TLCD3B: variants seen among roughly 807,000 people sequenced by gnomAD.
TLCD3B encodes the protein TLC domain containing 3B.
Under a neutral mutation model 23.0 loss-of-function variants are expected in TLCD3B, and 9 were observed. The ratio of observed to expected loss-of-function variants is 0.39; its 90% CI spans 0.24 to 0.68. TLCD3B has a LOEUF of 0.68. TLCD3B is among the 30% of genes least tolerant of loss of function. The pLI is 0.44. For synonymous variants in TLCD3B, 161 were observed against 161.0 expected (o/e 1.00, Z 0.00); for missense variants, 307 against 371.8 (o/e 0.83, Z 1.43).
chr16:30,047,163 G>A (rs536580155), intron 1 of TLCD3B, among the ~76,000 whole-genome samples: 1 of 148,744 alleles, frequency 6.7e-6, no homozygotes, highest in East Asian at 1.9e-4. Context: ...CTGTCTGTCT[G>A]TCTGTCTATC....
intron 1 of TLCD3B, among the ~76,000 whole-genome samples, chr16:30,052,266 G>C (rs1262762275): frequency 6.6e-6 from 1 of 152,062 alleles, no homozygotes; most frequent in African/African-American, 2.4e-5. Flanking sequence ...TACTCGGGAG[G>C]CTGAGGCGGG....
intron 1 of TLCD3B, among the ~76,000 whole-genome samples, chr16:30,049,013 C>T (rs150709719): frequency 0.017 from 2,653 of 152,236 alleles, 76 homozygotes; most frequent in African/African-American, 0.06. Context: ...TCAGGTGGTC[C>T]GCCTGCCTTG....
chr16:30,045,735 G>A (rs1038019782), intron 2 of TLCD3B, among the ~76,000 whole-genome samples: 2 of 149,776 alleles, frequency 1.3e-5, no homozygotes, highest in Non-Finnish European at 3.0e-5. Context: ...TGTGGTGTGT[G>A]TTTGTGTGTG....
At chr16:30,028,393 G>C (rs1049888404) in intron 2 of TLCD3B, among the ~76,000 whole-genome samples, 3 of 152,140 alleles carry the variant, frequency 2.0e-5, no homozygotes, top group Non-Finnish European at 4.4e-5. Flanking sequence ...TGGGGAGCAG[G>C]GGGTACAGAA....
intron 2 of TLCD3B, among the ~76,000 whole-genome samples, chr16:30,045,440 G>GTA (rs1827242671): frequency 7.0e-6 from 1 of 142,248 alleles, no homozygotes; most frequent in African/African-American, 2.6e-5. Context: ...TGTGGTGTGT[G>GTA]TGTGGTGCAT....
upstream of TLCD3B, chr16:30,035,449 G>A (rs1476862310): frequency 7.8e-6 from 10 of 1,289,420 alleles, no homozygotes; most frequent in East Asian, 5.5e-5. Flanking sequence ...GGAAGAAGAC[G>A]CAACCCACTG....
intron 2 of TLCD3B, among the ~76,000 whole-genome samples, chr16:30,027,887 G>A (rs778267977): frequency 6.6e-6 from 1 of 152,212 alleles, no homozygotes; most frequent in Non-Finnish European, 1.5e-5. Context: ...CATGAGGCAC[G>A]TGGAGGAGGC....
chr16:30,024,726 G>GCAAC lies in TLCD3B; in HGVS notation c.*456_*457insGTTG, dbSNP rs2071018117. 5.3e-6 allele frequency: 1 copy of GCAAC among 189,266 alleles called. No homozygotes were observed. Among genetic ancestry groups the GCAAC allele is most frequent in the Non-Finnish European group, 1.1e-5 (1 of 93,770 alleles). 11.7% of individuals were successfully genotyped at this position (189,266 alleles called of 1,614,324 possible). A position where few individuals can be genotyped will look rare whatever the true frequency, so the allele number is the denominator to read the frequency against. Reference sequence around the variant, plus strand: ...TCAAGCTGGCCTACCCTGGAGAGGAGCCGTGGTTGCAGCCGGCCACTCGGG... The same window carrying GCAAC: ...TCAAGCTGGCCTACCCTGGAGAGGAGCAACCCGTGGTTGCAGCCGGCCACTCGGG... On this transcript the variant is annotated 3_prime_UTR_variant, in exon 5 of 5. Coordinates refer to ENST00000380495, the MANE Select transcript of TLCD3B (RefSeq NM_031478.6).
intron 2 of TLCD3B, 122 bp from the exon 3 acceptor site, chr16:30,026,965 G>A (rs2071171091): frequency 1.3e-6 from 1 of 796,842 alleles, no homozygotes; most frequent in Admixed American, 2.0e-5. Context: ...TACAGATGAG[G>A]GATCCAGAGG....
chr16:30,044,338 G>A (rs2071623458), intron 2 of TLCD3B, among the ~76,000 whole-genome samples: 1 of 147,450 alleles, frequency 6.8e-6, no homozygotes, highest in African/African-American at 2.5e-5. Context: ...ATGAAGTTTC[G>A]CTCTTGTTGC....
chr16:30,045,690 T>G (rs1358182839), intron 2 of TLCD3B, among the ~76,000 whole-genome samples: 1 of 145,538 alleles, frequency 6.9e-6, no homozygotes, highest in African/African-American at 2.5e-5. Flanking sequence ...GTTTGGTGTG[T>G]GTTTGTGTGT....
At chr16:30,047,291 C>T (rs1026448261) in intron 1 of TLCD3B, among the ~76,000 whole-genome samples, 4 of 152,020 alleles carry the variant, frequency 2.6e-5, no homozygotes, top group Non-Finnish European at 5.9e-5. Flanking sequence ...CATGTGCCAC[C>T]GTGCCTGGCT....
chr16:30,050,890 G>C (rs772499384), intron 1 of TLCD3B, among the ~76,000 whole-genome samples: 1 of 152,182 alleles, frequency 6.6e-6, no homozygotes, highest in African/African-American at 2.4e-5. Context: ...CCAGGATTCA[G>C]CCATCGTTTA....
At chr16:30,051,442 G>A (rs1242474620) in intron 1 of TLCD3B, among the ~76,000 whole-genome samples, 1 of 146,890 alleles carries the variant, frequency 6.8e-6, no homozygotes, top group African/African-American at 2.5e-5. Flanking sequence ...AGAATTGCTT[G>A]AATCCAGGGC....
At chr16:30,034,250 C>T (rs886306259), upstream of TLCD3B, among the ~76,000 whole-genome samples, 1 of 151,436 alleles carries the variant, frequency 6.6e-6, no homozygotes, top group Non-Finnish European at 1.5e-5. Flanking sequence ...TGCACTTCAG[C>T]CTGGGTGACA....
At position 30,024,668 on chromosome 16, in the gene TLCD3B, A is replaced by G; in HGVS notation, c.*515T>C. 5.1e-6 allele frequency: 1 copy of G among 196,120 alleles called. No individual in the cohort carries two copies. The highest frequency in any genetic ancestry group is 1.0e-5 in the Non-Finnish European group (1 of 97,172). 12.1% of individuals were successfully genotyped at this position (196,120 alleles called of 1,614,324 possible). A position where few individuals can be genotyped will look rare whatever the true frequency, so the allele number is the denominator to read the frequency against. ...CCCCCAACCCAACAGACTAGTTCAA[A>G]TTTGGGTAAATAAATAAAATAAATA... is the stretch of plus-strand genomic sequence containing the variant. On this transcript the variant is annotated 3_prime_UTR_variant, in exon 5 of 5. Coordinates refer to ENST00000380495, the MANE Select transcript of TLCD3B (RefSeq NM_031478.6).
chr16:30,030,439 C>G lies in TLCD3B; in HGVS notation c.89G>C (p.Arg30Pro). 1.9e-6 allele frequency: 3 copies of G among 1,603,124 alleles called. No homozygotes were observed. The highest frequency in any genetic ancestry group is 2.6e-6 in the Non-Finnish European group (3 of 1,175,756). ...KNTLQRLPQL[R>P]WEEADAVIVS... ...AATGACTGCGTCGGCCTCCTCCCAGCGTAGCTGGGGCAGCCGCTGGAGCGT... is the reference window on the plus strand; with the variant it reads ...AATGACTGCGTCGGCCTCCTCCCAGGGTAGCTGGGGCAGCCGCTGGAGCGT... The change falls in exon 1 of 5, where the codon CGC becomes CCC. Residue 30 changes from arginine to proline, a missense_variant. Transcript: ENST00000380495.
intron 3 of TLCD3B, 144 bp downstream of exon 3, chr16:30,026,465 C>T: frequency 1.4e-6 from 1 of 738,776 alleles, no homozygotes; most frequent in Non-Finnish European, 2.2e-6. Flanking sequence ...GTGAACCCTG[C>T]CTGTCCACAG....
intron 1 of TLCD3B, among the ~76,000 whole-genome samples, chr16:30,047,012 G>C (rs1226341108): frequency 1.3e-5 from 2 of 152,162 alleles, no homozygotes; most frequent in East Asian, 1.9e-4. Flanking sequence ...CCAGGCTGGA[G>C]TGCAGTGGCA....
Sources: allele counts gnomAD v4.1 joint callset (sites outside exome capture counted in the v4.1 genomes callset), GRCh38; gene constraint gnomAD v4.1.1; transcripts MANE v1.5; gene names NCBI Gene and HGNC (gene_info 2026-07-23, HGNC 2026-07-21).